Variants in RANBP2 observed in about 807,000 individuals in gnomAD.
The protein encoded by RANBP2 is E3 SUMO-protein ligase RanBP2.
A neutral mutation model predicts 303.6 loss-of-function variants in RANBP2; 57 were observed. The observed-to-expected ratio is 0.19, with a 90% CI of 0.15 to 0.23. The LOEUF (loss-of-function observed/expected upper bound fraction) is 0.23. RANBP2 is among the 10% of genes least tolerant of loss of function. RANBP2 has a pLI of 1.00. For synonymous variants in RANBP2, 1,167 were observed against 1,301.5 expected, an observed-to-expected ratio of 0.90 and a Z score of 2.23; for missense variants, 3,138 against 3,780.8, an observed-to-expected ratio of 0.83 and a Z score of 4.46.
At chr2:108,769,712 A>G (rs977337179) in intron 20 of RANBP2, among the ~76,000 whole-genome samples, 5 of 152,038 alleles carry the variant, frequency 3.3e-5, no homozygotes, top group Non-Finnish European at 7.3e-5. Flanking sequence ...TCTTTTGTGC[A>G]TGGTTTAGAA....
At chr2:108,904,480 C>G in the RANBP2 span, among the ~76,000 whole-genome samples, 2 of 152,220 alleles carry the variant, frequency 1.3e-5, no homozygotes, top group Non-Finnish European at 2.9e-5. Context: ...CCAGATAAAT[C>G]ACGACTGATG....
the RANBP2 span, among the ~76,000 whole-genome samples, chr2:109,734,117 T>G: frequency 6.7e-6 from 1 of 148,260 alleles, no homozygotes; most frequent in Non-Finnish European, 1.5e-5. Context: ...AGGTGGAGGT[T>G]CCAGTAAGCT....
chr2:108,993,352 G>A, the RANBP2 span, among the ~76,000 whole-genome samples: 1 of 152,214 alleles, frequency 6.6e-6, no homozygotes, highest in Admixed American at 6.5e-5. Context: ...GGAGGCAGCT[G>A]AGCCCAGCCC....
chr2:109,186,758 A>T, the RANBP2 span, among the ~76,000 whole-genome samples: 1 of 152,164 alleles, frequency 6.6e-6, no homozygotes, highest in East Asian at 1.9e-4. Context: ...ACTGGGCAGC[A>T]TGTGGGAATG....
At chr2:108,880,699 A>G in the RANBP2 span, among the ~76,000 whole-genome samples, 4 of 152,208 alleles carry the variant, frequency 2.6e-5, no homozygotes, top group Non-Finnish European at 5.9e-5. Context: ...ATCTGTTTAC[A>G]GCATCATTTC....
At chr2:109,484,439 T>G in the RANBP2 span, among the ~76,000 whole-genome samples, 1 of 151,996 alleles carries the variant, frequency 6.6e-6, no homozygotes. Flanking sequence ...GCACCTGCTT[T>G]TTGCTAGATT....
the RANBP2 span, among the ~76,000 whole-genome samples, chr2:109,606,884 G>T: frequency 6.6e-6 from 1 of 151,850 alleles, no homozygotes; most frequent in African/African-American, 2.4e-5. Context: ...ACTCCTGACC[G>T]GAGGTGACCC....
At chr2:109,729,145 G>A in the RANBP2 span, among the ~76,000 whole-genome samples, 1 of 152,216 alleles carries the variant, frequency 6.6e-6, no homozygotes, top group Non-Finnish European at 1.5e-5. Context: ...AGCAAAGCCA[G>A]TGCTGGAAGG....
the RANBP2 span, among the ~76,000 whole-genome samples, chr2:109,755,213 G>A: frequency 1.6e-5 from 2 of 126,460 alleles, no homozygotes; most frequent in Non-Finnish European, 3.3e-5. Context: ...GGGGGCCCAA[G>A]CCACTTGTAC....
the RANBP2 span, chr2:109,553,357 C>T: frequency 5.5e-6 from 4 of 731,308 alleles, no homozygotes; most frequent in Non-Finnish European, 8.7e-6. Context: ...CCAGCCTGGC[C>T]AACATAGTGA....
the RANBP2 span, among the ~76,000 whole-genome samples, chr2:109,068,325 G>A: frequency 6.6e-6 from 1 of 152,188 alleles, no homozygotes; most frequent in Admixed American, 6.5e-5. Flanking sequence ...ACAGGCAGGA[G>A]TGCACAGGAT....
chr2:109,733,291 G>A, the RANBP2 span, among the ~76,000 whole-genome samples: 10 of 151,576 alleles, frequency 6.6e-5, no homozygotes, highest in African/African-American at 2.4e-4. Context: ...ATCAATCAAT[G>A]TAGTACATCA....
At chr2:109,638,426 C>A in the RANBP2 span, among the ~76,000 whole-genome samples, 2 of 152,158 alleles carry the variant, frequency 1.3e-5, no homozygotes, top group Non-Finnish European at 2.9e-5. Context: ...AAATTCCCCA[C>A]CAGGTGTGCA....
At chr2:109,680,700 A>C in the RANBP2 span, among the ~76,000 whole-genome samples, 30 of 152,244 alleles carry the variant, frequency 2.0e-4, no homozygotes, top group Non-Finnish European at 3.8e-4. Flanking sequence ...AGCCACCGGA[A>C]TCTCACCTTT....
chr2:108,874,922 ATT>A, the RANBP2 span, among the ~76,000 whole-genome samples: 1 of 147,246 alleles, frequency 6.8e-6, no homozygotes, highest in Non-Finnish European at 1.5e-5. Flanking sequence ...AATTCATGGG[ATT>A]TTTTTTTTTT....
the RANBP2 span, among the ~76,000 whole-genome samples, chr2:109,011,028 A>G: frequency 6.6e-6 from 1 of 152,138 alleles, no homozygotes; most frequent in East Asian, 1.9e-4. Context: ...TCTTTGGCCA[A>G]GGCTAGTCTG....
the RANBP2 span, chr2:108,940,240 G>C: frequency 6.6e-6 from 1 of 152,322 alleles, no homozygotes; most frequent in Non-Finnish European, 1.5e-5. Context: ...AGGGCTTGCT[G>C]CTCCTCTCAG....
chr2:109,765,486 G>A, the RANBP2 span, among the ~76,000 whole-genome samples: 2 of 150,206 alleles, frequency 1.3e-5, 1 homozygote, highest in African/African-American at 4.9e-5. Flanking sequence ...AACTTAATAG[G>A]AGAATAAGCC....
rs1473236525 is a variant in RANBP2 at position 108,740,808 on chromosome 2, A to G, written c.975+127A>G. 83 of 1,408,150 alleles carry G rather than the reference A, an allele frequency of 5.9e-5. 6 individuals are homozygous for G. Among genetic ancestry groups the G allele is most frequent in the East Asian group, 4.7e-4 (21 of 44,272 alleles). The allele number at this position is 1,408,150 out of a possible 1,614,324, so 87.2% of individuals were successfully genotyped here. On this transcript the variant is annotated intron_variant, in intron 7 of 28. Transcript: ENST00000283195. The stretch of plus-strand genomic sequence containing the variant: ...TGTGGAATTAAAGTTGAAATAGTCA[A>G]TTTGATACAGTGGAAAATAACTAAG...
Sources: allele counts gnomAD v4.1 joint callset (sites outside exome capture counted in the v4.1 genomes callset), GRCh38; gene constraint gnomAD v4.1.1; transcripts MANE v1.5; gene names NCBI Gene and HGNC (gene_info 2026-07-23, HGNC 2026-07-21).